WDR27: variants seen among roughly 807,000 people sequenced by gnomAD.
WDR27 encodes the protein WD repeat-containing protein 27.
WDR27 carries 100 observed loss-of-function variants against 114.4 expected under a neutral mutation model. The observed-to-expected ratio is 0.87, with a 90% confidence interval of 0.74 to 1.03. The LOEUF is 1.03. Ranked by LOEUF, WDR27 falls within the 50% of genes least tolerant of loss-of-function variation. The pLI, the probability that WDR27 is intolerant of heterozygous loss-of-function variation, is 0.00. For synonymous variants in WDR27, 449 were observed against 423.1 expected (o/e 1.06, Z -0.75); for missense variants, 1,129 against 1,092.9 (o/e 1.03, Z -0.47).
At chr6:169,614,326 C>T (rs1811302065) in intron 21 of WDR27, among the ~76,000 whole-genome samples, 6 of 152,148 alleles carry the variant, frequency 3.9e-5, no homozygotes, top group Admixed American at 3.9e-4. Flanking sequence ...GATAGATGTG[C>T]CTACAAGTCA....
At chr6:169,481,429 C>T (rs1027735585) in intron 25 of WDR27, among the ~76,000 whole-genome samples, 5 of 152,226 alleles carry the variant, frequency 3.3e-5, no homozygotes, top group Admixed American at 3.3e-4. Context: ...GCTGCCCAAG[C>T]CAACAGCAGC....
At chr6:169,518,242 C>A (rs73789992) in intron 25 of WDR27, among the ~76,000 whole-genome samples, 2,486 of 152,346 alleles carry the variant, frequency 0.016, 62 homozygotes, top group African/African-American at 0.057. Context: ...CTCCACTAAG[C>A]AGAGCCCTCT....
intron 13 of WDR27, among the ~76,000 whole-genome samples, chr6:169,657,087 G>A (rs574186359): frequency 1.6e-4 from 24 of 152,278 alleles, no homozygotes; most frequent in African/African-American, 3.6e-4. Flanking sequence ...GAAACAGGGC[G>A]GAGGAATGGG....
In WDR27 at chr6:169,636,379, C is replaced by G. The variant is rs1817663128; in HGVS notation, c.1995G>C (p.Glu665Asp). The G allele has an allele frequency of 1.9e-6, 3 of 1,613,582 alleles. No homozygotes were observed. Among genetic ancestry groups the G allele is most frequent in the Non-Finnish European group, 2.5e-6 (3 of 1,179,826 alleles). Residue 665 changes from glutamate (E) to aspartate (D), a missense_variant, in exon 19 of 26, where the codon GAG becomes GAC. Transcript: ENST00000448612. ...GGGCGGGGGGTGCCTACCTCTTAAT[C>G]TCATCTTTGCAAGTGTCAATGTGAT... The part of the protein sequence containing the change: ...LRYHIDTCKD[E>D]IKRYKQKSKS...
intron 2 of WDR27, among the ~76,000 whole-genome samples, chr6:169,685,501 T>C (rs945066098): frequency 6.6e-6 from 1 of 151,972 alleles, no homozygotes; most frequent in Admixed American, 6.6e-5. Flanking sequence ...AAGAAATAGG[T>C]ATTATTTTAA....
At chr6:169,505,686 G>A (rs144547641) in intron 25 of WDR27, among the ~76,000 whole-genome samples, 11 of 152,286 alleles carry the variant, frequency 7.2e-5, no homozygotes, top group African/African-American at 2.4e-4. Context: ...CCTCAACTGC[G>A]TAGAAGGCAC....
chr6:169,460,184 C>A (rs1235268347), intron 25 of WDR27, among the ~76,000 whole-genome samples: 3 of 152,002 alleles, frequency 2.0e-5, no homozygotes, highest in Non-Finnish European at 2.9e-5. Context: ...TGGTTTGTAA[C>A]CCCACATTTT....
chr6:169,497,148 A>G (rs1474332631), intron 25 of WDR27, among the ~76,000 whole-genome samples: 1 of 152,182 alleles, frequency 6.6e-6, no homozygotes, highest in African/African-American at 2.4e-5. Context: ...TATATGGTCA[A>G]GGGTGCCAAG....
intron 2 of WDR27, among the ~76,000 whole-genome samples, chr6:169,685,082 C>T (rs1339695391): frequency 6.6e-6 from 1 of 152,082 alleles, no homozygotes; most frequent in African/African-American, 2.4e-5. Context: ...ACAGAAGAAA[C>T]CACACAGATA....
chr6:169,460,886 T>G (rs12055542), intron 25 of WDR27, among the ~76,000 whole-genome samples: 25,607 of 152,102 alleles, frequency 0.17, 3,218 homozygotes, highest in East Asian at 0.61. Context: ...CCTGCACAGT[T>G]TGAACCCATG....
In WDR27 at chr6:169,659,324, G is replaced by A. The variant is rs528977490; in HGVS notation, c.1198-117C>T. 5.1e-6 allele frequency: 8 copies of A among 1,560,664 alleles called. No individual in the cohort carries two copies. In the African/African-American group the frequency reaches 8.1e-5, roughly 16 times the overall value. The stretch of plus-strand genomic sequence containing the variant: ...ATTCTCATAGCAGCGACATCGCCCT[G>A]TCACTCCTAAAACGTTTTTACACAC... On this transcript the variant is annotated intron_variant, in intron 11 of 25. Transcript: ENST00000448612. This position sits in a 1 kb window ranked among gnomAD's most constrained non-coding sequence, Gnocchi z 4.3.
At chr6:169,576,413 C>T (rs190821377) in intron 24 of WDR27, among the ~76,000 whole-genome samples, 121 of 152,280 alleles carry the variant, frequency 7.9e-4, no homozygotes, top group African/African-American at 2.2e-3. Flanking sequence ...CTCTGGTATT[C>T]GGGAAATTCT....
chr6:169,586,847 C>CAACAAAAAAAAAA (rs1804704208), intron 23 of WDR27, among the ~76,000 whole-genome samples: 1 of 32,058 alleles, frequency 3.1e-5, no homozygotes, highest in Non-Finnish European at 5.6e-5. Context: ...GACTCTGTCT[C>CAACAAAAAAAAAA]AAAAAAAAAA....
chr6:169,513,002 T>A lies in WDR27; in HGVS notation c.2646-55368A>T, dbSNP rs535752406. Among the ~76,000 whole-genome samples the A allele has an allele frequency of 2.4e-4, 37 of 152,284 alleles. No homozygotes were observed. In the South Asian group the frequency reaches 5.4e-3, roughly 22 times the overall value. On this transcript the variant is annotated intron_variant, in intron 25 of 25. Transcript: ENST00000448612. ...ACGAAATAAAGAATACATTAAAAAA[T>A]TTTTTTCTAAACGTTCCAGTTACTT...
chr6:169,665,423 T>C (rs1374341375), intron 7 of WDR27, 63 bp downstream of exon 7: 39 of 1,566,396 alleles, frequency 2.5e-5, no homozygotes, highest in Non-Finnish European at 1.7e-6. Flanking sequence ...ACAAAGACCT[T>C]TGTGTACAAG....
At chr6:169,645,494 A>G (rs1820446824) in intron 16 of WDR27, among the ~76,000 whole-genome samples, 1 of 151,986 alleles carries the variant, frequency 6.6e-6, no homozygotes, top group South Asian at 2.1e-4. Flanking sequence ...TCACTGTAGA[A>G]AAGCCTAGTT....
chr6:169,687,003 G>A (rs897434703), intron 2 of WDR27, among the ~76,000 whole-genome samples: 2 of 152,048 alleles, frequency 1.3e-5, no homozygotes, highest in African/African-American at 4.8e-5. Context: ...ATTGGGGAGA[G>A]TGAAAAGAAG....
At chr6:169,464,676 C>A (rs951648625) in intron 25 of WDR27, among the ~76,000 whole-genome samples, 1 of 152,210 alleles carries the variant, frequency 6.6e-6, no homozygotes, top group Non-Finnish European at 1.5e-5. Flanking sequence ...CCACTTCTAA[C>A]AAGGGATGTC....
At chr6:169,611,089 G>A (rs1196292300) in intron 22 of WDR27, among the ~76,000 whole-genome samples, 1 of 152,106 alleles carries the variant, frequency 6.6e-6, no homozygotes, top group African/African-American at 2.4e-5. Flanking sequence ...GGGTGCACCT[G>A]TATAGGGTCC....
Sources: gnomAD v4.1 joint callset for allele counts (sites outside exome capture counted in the v4.1 genomes callset) on GRCh38, gnomAD v4.1.1 for gene constraint, Gnocchi (gnomAD v3.1) non-coding constraint, MANE v1.5 for transcripts, NCBI Gene and HGNC (gene_info 2026-07-23, HGNC 2026-07-21) for gene names.